USP34: variants seen among roughly 807,000 people sequenced by gnomAD.
The protein encoded by USP34 is ubiquitin carboxyl-terminal hydrolase 34.
A neutral mutation model predicts 460.3 loss-of-function variants in USP34; 70 were observed. That is an observed-to-expected ratio of 0.15 (90% CI 0.13 to 0.19). USP34 has a LOEUF of 0.19. USP34 is among the 10% of genes least tolerant of loss of function. USP34 has a pLI of 1.00. For missense variants in USP34, 3,985 were observed against 4,236.2 expected (o/e 0.94, Z 1.65); for synonymous variants, 1,647 against 1,405.3 (o/e 1.17, Z -3.85).
intron 20 of USP34, among the ~76,000 whole-genome samples, chr2:61,330,716 A>G (rs1691233645): frequency 6.6e-6 from 1 of 152,168 alleles, no homozygotes; most frequent in Non-Finnish European, 1.5e-5. Flanking sequence ...GAAGCTTCAA[A>G]TACAGCTATA....
chr2:61,263,173 A>ATTTTTTTTT (rs36015748), intron 43 of USP34, among the ~76,000 whole-genome samples: 2 of 97,780 alleles, frequency 2.0e-5, no homozygotes, highest in African/African-American at 4.3e-5. Flanking sequence ...CACACATGGA[A>ATTTTTTTTT]TTTTTTTTTT....
At chr2:61,412,033 T>C (rs983250636) in intron 2 of USP34, among the ~76,000 whole-genome samples, 2 of 151,096 alleles carry the variant, frequency 1.3e-5, no homozygotes, top group Non-Finnish European at 3.0e-5. Flanking sequence ...CCACTAAAAA[T>C]ACAAAATCAG....
chr2:61,337,175 C>T (rs1188126002), intron 18 of USP34, among the ~76,000 whole-genome samples: 1 of 152,148 alleles, frequency 6.6e-6, no homozygotes, highest in Admixed American at 6.5e-5. Context: ...CCCATTCCAA[C>T]CACTCAGGGT....
At chr2:61,365,311 G>A (rs1572971183) in intron 10 of USP34, among the ~76,000 whole-genome samples, 1 of 63,526 alleles carries the variant, frequency 1.6e-5, no homozygotes, top group Non-Finnish European at 3.9e-5. Flanking sequence ...ATTTATAAAT[G>A]TGTGTGTGTG....
At chr2:61,390,936 A>C (rs1693325646) in intron 5 of USP34, among the ~76,000 whole-genome samples, 1 of 151,916 alleles carries the variant, frequency 6.6e-6, no homozygotes, top group South Asian at 2.1e-4. Flanking sequence ...CTCTACTAAA[A>C]ATACAAAAAT....
At chr2:61,345,842 G>A (rs1031391751) in intron 15 of USP34, among the ~76,000 whole-genome samples, 1 of 152,094 alleles carries the variant, frequency 6.6e-6, no homozygotes, top group African/African-American at 2.4e-5. Flanking sequence ...CCACTAAGTT[G>A]CTCAGGCTGA....
chr2:61,460,079 A>C (rs778138), intron 1 of USP34, among the ~76,000 whole-genome samples: 46,059 of 152,026 alleles, frequency 0.3, 7,549 homozygotes, highest in Middle Eastern at 0.42. Flanking sequence ...AGATACTTGA[A>C]AACAGTTTTA....
At chr2:61,274,681 G>C (rs1009739215) in intron 41 of USP34, among the ~76,000 whole-genome samples, 10 of 152,190 alleles carry the variant, frequency 6.6e-5, no homozygotes, top group African/African-American at 2.2e-4. Context: ...CAGACTGGTA[G>C]AAATTATCTA....
intron 48 of USP34, among the ~76,000 whole-genome samples, chr2:61,252,371 C>T (rs1402659971): frequency 6.7e-6 from 1 of 149,822 alleles, no homozygotes; most frequent in Non-Finnish European, 1.5e-5. Flanking sequence ...GTGTCAATTG[C>T]TGCTACTACA....
chr2:61,256,597 G>A, intron 47 of USP34, 119 bp from the exon 48 acceptor site: 1 of 716,104 alleles, frequency 1.4e-6, no homozygotes, highest in East Asian at 3.2e-5. Context: ...TTTTAAAAGT[G>A]AATTCTTAAA....
chr2:61,226,415 A>T (rs1167984323), intron 62 of USP34, among the ~76,000 whole-genome samples: 2 of 152,202 alleles, frequency 1.3e-5, no homozygotes, highest in Non-Finnish European at 2.9e-5. Flanking sequence ...GGAAATCCAC[A>T]AATAATGAGG....
intron 27 of USP34, among the ~76,000 whole-genome samples, chr2:61,308,999 C>G (rs1690501707): frequency 6.6e-6 from 1 of 152,150 alleles, no homozygotes; most frequent in Admixed American, 6.5e-5. Flanking sequence ...CCTGCCACTG[C>G]ACTCCAGCCT....
At chr2:61,312,088 G>A (rs1410052194) in intron 25 of USP34, among the ~76,000 whole-genome samples, 178 bp from the exon 26 acceptor site, 7 of 151,804 alleles carry the variant, frequency 4.6e-5, no homozygotes, top group Admixed American at 4.6e-4. Flanking sequence ...AAACGTAACT[G>A]CATAATAACA....
At chr2:61,237,137 C>A (rs1688092037) in intron 53 of USP34, among the ~76,000 whole-genome samples, 1 of 152,152 alleles carries the variant, frequency 6.6e-6, no homozygotes, top group Non-Finnish European at 1.5e-5. Flanking sequence ...CAGTGATATT[C>A]CAGAAATCAC....
intron 33 of USP34, among the ~76,000 whole-genome samples, chr2:61,289,543 C>T (rs2103973681): frequency 6.6e-6 from 1 of 152,104 alleles, no homozygotes; most frequent in East Asian, 1.9e-4. Context: ...ACAGCTTTTT[C>T]TTCAAAAGTT....
intron 22 of USP34, 91 bp downstream of exon 22, chr2:61,319,082 C>T: frequency 1.0e-6 from 1 of 1,000,026 alleles, no homozygotes; most frequent in South Asian, 2.1e-5. Flanking sequence ...AAAAAACTGT[C>T]AAAAAAAAAA....
chr2:61,335,356 T>TA (rs1481721329), intron 18 of USP34, among the ~76,000 whole-genome samples: 2 of 152,218 alleles, frequency 1.3e-5, no homozygotes, highest in Non-Finnish European at 2.9e-5. Context: ...TAGTCAAACT[T>TA]ACATTTCACA....
intron 1 of USP34, among the ~76,000 whole-genome samples, chr2:61,453,285 G>A (rs1490452306): frequency 6.6e-6 from 1 of 151,944 alleles, no homozygotes; most frequent in African/African-American, 2.4e-5. Flanking sequence ...GTGGTGGCCT[G>A]CGCCTATAAT....
Position 61,406,068 on chromosome 2 carries a change from A to G in USP34, c.192T>C (p.Cys64=), listed in dbSNP as rs777824890. ...GGGCAATCACTAAGTTAATAAGTGC[A>G]CACACTACTTGATTAAAAATCTCCA... The part of the protein sequence containing the change: ...KHLEIFNQVV[C]ALINLVIAQV... Residue 64 remains cysteine, a synonymous_variant, in exon 3 of 80, where the codon TGT becomes TGC. Transcript: ENST00000398571. 1.2e-6 allele frequency: 2 copies of G among 1,613,762 alleles called. No homozygotes were observed. The highest frequency in any genetic ancestry group is 2.7e-5 in the African/African-American group (2 of 74,988).
Sources: allele counts gnomAD v4.1 joint callset (sites outside exome capture counted in the v4.1 genomes callset), GRCh38; gene constraint gnomAD v4.1.1; transcripts MANE v1.5; gene names NCBI Gene and HGNC (gene_info 2026-07-23, HGNC 2026-07-21).